Variants in INSC observed in about 807,000 individuals in gnomAD.
INSC encodes INSC spindle orientation adaptor protein.
In INSC, 67 loss-of-function variants were observed where a neutral mutation model predicts 58.6. The observed-to-expected ratio is 1.14, with a 90% CI of 0.94 to 1.40. INSC has a LOEUF of 1.40. Among genes scored for constraint, INSC ranks in the 40% most tolerant of loss-of-function variants. The pLI is 0.00. For missense variants in INSC, 714 were observed against 692.0 expected (o/e 1.03, Z -0.36); for synonymous variants, 262 against 276.1 (o/e 0.95, Z 0.51).
intron 5 of INSC, among the ~76,000 whole-genome samples, chr11:15,181,733 A>G (rs1305620369): frequency 6.6e-6 from 1 of 152,184 alleles, no homozygotes; most frequent in Non-Finnish European, 1.5e-5. Context: ...GAGCATATCA[A>G]AATTTTGGAA....
chr11:15,148,554 A>G (rs1006939636), intron 1 of INSC, among the ~76,000 whole-genome samples: 2 of 152,186 alleles, frequency 1.3e-5, no homozygotes, highest in Non-Finnish European at 2.9e-5. Flanking sequence ...CCACATGCCT[A>G]TTTCTGAACC....
At chr11:15,146,770 A>G (rs61380916) in intron 1 of INSC, among the ~76,000 whole-genome samples, 1,529 of 152,342 alleles carry the variant, frequency 0.01, 26 homozygotes, top group African/African-American at 0.035. Flanking sequence ...ATGTACAGTC[A>G]CAGAGCTGTA....
intron 1 of INSC, among the ~76,000 whole-genome samples, chr11:15,137,757 A>G (rs1161352277): frequency 2.0e-5 from 3 of 152,200 alleles, no homozygotes; most frequent in Non-Finnish European, 2.9e-5. Context: ...AGACCACTCA[A>G]ACTTCCTCCA....
the INSC span, among the ~76,000 whole-genome samples, chr11:15,266,978 T>G: frequency 6.6e-6 from 1 of 152,016 alleles, no homozygotes; most frequent in African/African-American, 2.4e-5. Flanking sequence ...TTTATTCCTT[T>G]GTGTAAATTC....
chr11:15,255,003 A>G, the INSC span, among the ~76,000 whole-genome samples: 1 of 152,184 alleles, frequency 6.6e-6, no homozygotes, highest in African/African-American at 2.4e-5. Context: ...TAAATTTCTA[A>G]AACAATTCCT....
intron 7 of INSC, among the ~76,000 whole-genome samples, chr11:15,213,434 C>T (rs1371820747): frequency 6.6e-6 from 1 of 152,184 alleles, no homozygotes; most frequent in Non-Finnish European, 1.5e-5. Flanking sequence ...AGGTTGGGTA[C>T]AATTCAGATC....
chr11:15,181,701 A>G (rs1056401465), intron 5 of INSC, among the ~76,000 whole-genome samples: 1 of 152,130 alleles, frequency 6.6e-6, no homozygotes, highest in African/African-American at 2.4e-5. Context: ...ATTTTTTCCC[A>G]GGTAACTTTA....
chr11:15,149,106 T>C, intron 1 of INSC, 24 bp from the exon 2 acceptor site: 1 of 1,564,020 alleles, frequency 6.4e-7, no homozygotes, highest in Non-Finnish European at 8.7e-7. Flanking sequence ...GATCTCGTTG[T>C]GCCATCCTGC....
chr11:15,131,584 A>G (rs1848126863), intron 1 of INSC, among the ~76,000 whole-genome samples: 1 of 152,146 alleles, frequency 6.6e-6, no homozygotes, highest in South Asian at 2.1e-4. Context: ...TATGTGATTC[A>G]GGACTAGTTC....
chr11:15,183,404 G>A lies in INSC; in HGVS notation c.579+4957G>A, dbSNP rs533516704. On this transcript the variant is annotated intron_variant, in intron 5 of 12. Coordinates refer to ENST00000379556, the MANE Select transcript of INSC (RefSeq NM_001042536.3). ...AAATAAATTGTGTATTTTTCCAAGT[G>A]TGAGCAGCTTCTCAATTCAGATATA... Among the ~76,000 whole-genome samples, 5 of 149,128 alleles carry A rather than the reference G, an allele frequency of 3.4e-5. No homozygotes were observed. In the South Asian group the frequency reaches 1.1e-3, roughly 32 times the overall value.
intron 5 of INSC, among the ~76,000 whole-genome samples, chr11:15,181,160 G>T (rs1271059643): frequency 6.6e-6 from 1 of 152,150 alleles, no homozygotes; most frequent in Non-Finnish European, 1.5e-5. Context: ...AGTATTTCTT[G>T]TCTGACCTGC....
intron 7 of INSC, among the ~76,000 whole-genome samples, chr11:15,213,660 T>C (rs533004181): frequency 6.6e-6 from 1 of 152,338 alleles, no homozygotes; most frequent in East Asian, 1.9e-4. Context: ...CCTTAATTAC[T>C]CATCCCTGCT....
the INSC span, among the ~76,000 whole-genome samples, chr11:15,256,678 T>C: frequency 0.74 from 112,227 of 151,852 alleles, 41,650 homozygotes; most frequent in South Asian, 0.8. Context: ...TTAGTAGAGA[T>C]GGGGTTTCAC....
chr11:15,267,658 T>C, the INSC span, among the ~76,000 whole-genome samples: 1 of 151,986 alleles, frequency 6.6e-6, no homozygotes, highest in Admixed American at 6.6e-5. Flanking sequence ...CTCTACCTTC[T>C]TGAAGATATA....
At chr11:15,262,221 C>T in the INSC span, among the ~76,000 whole-genome samples, 6 of 152,188 alleles carry the variant, frequency 3.9e-5, no homozygotes, top group South Asian at 1.0e-3. Flanking sequence ...CCCTGACTGA[C>T]ACACATTGAA....
chr11:15,221,993 G>A (rs1218479398), intron 8 of INSC, among the ~76,000 whole-genome samples: 2 of 152,152 alleles, frequency 1.3e-5, no homozygotes, highest in Non-Finnish European at 2.9e-5. Context: ...GAGAGACTCT[G>A]ATAGGCATTT....
chr11:15,253,474 C>T, the INSC span, among the ~76,000 whole-genome samples: 4 of 152,154 alleles, frequency 2.6e-5, no homozygotes, highest in Admixed American at 1.3e-4. Flanking sequence ...AGAATAATTA[C>T]TGTCCCTTCA....
the INSC span, among the ~76,000 whole-genome samples, chr11:15,256,526 G>C: frequency 1.4e-5 from 2 of 146,132 alleles, no homozygotes; most frequent in African/African-American, 2.6e-5. Context: ...GTTTCGCTCT[G>C]TTGCCCAGGC....
chr11:15,145,679 A>G (rs907344185), intron 1 of INSC, among the ~76,000 whole-genome samples: 1 of 152,160 alleles, frequency 6.6e-6, no homozygotes, highest in African/African-American at 2.4e-5. Context: ...ATAAATGAGG[A>G]ACAAAAGAGA....
Sources: allele counts gnomAD v4.1 joint callset (sites outside exome capture counted in the v4.1 genomes callset), GRCh38; gene constraint gnomAD v4.1.1; transcripts MANE v1.5; gene names NCBI Gene and HGNC (gene_info 2026-07-23, HGNC 2026-07-21).